Variants in HSCB observed in about 807,000 individuals in gnomAD.
The protein encoded by HSCB is HscB mitochondrial iron-sulfur cluster cochaperone.
A neutral mutation model predicts 31.3 loss-of-function variants in HSCB; 23 were observed. That is an observed-to-expected ratio of 0.74 (90% confidence interval 0.53 to 1.04). The LOEUF is 1.04. HSCB is among the 50% of genes least tolerant of loss of function. The pLI is 0.00. For missense variants in HSCB, 297 were observed against 288.1 expected (o/e 1.03, Z -0.22); for synonymous variants, 110 against 104.5 (o/e 1.05, Z -0.32).
intron 5 of HSCB, among the ~76,000 whole-genome samples, chr22:28,753,896 G>A (rs1350300856): frequency 6.6e-6 from 1 of 151,918 alleles, no homozygotes; most frequent in Non-Finnish European, 1.5e-5. Flanking sequence ...TGTAATCCTA[G>A]CAGTTTGGGA....
intron 5 of HSCB, among the ~76,000 whole-genome samples, chr22:28,755,145 T>C (rs896375275): frequency 5.7e-5 from 8 of 139,362 alleles, no homozygotes; most frequent in African/African-American, 1.8e-4. Context: ...GCGCGGTGGC[T>C]CACGCCTGTA....
intron 2 of HSCB, 88 bp from the exon 3 acceptor site, chr22:28,744,527 C>A: frequency 1.1e-6 from 1 of 927,452 alleles, no homozygotes; most frequent in Non-Finnish European, 1.8e-6. Context: ...ACACTCCAGC[C>A]TGGATGACTC....
chr22:28,747,025 CTG>C (rs2029893973), intron 4 of HSCB, among the ~76,000 whole-genome samples: 2 of 152,074 alleles, frequency 1.3e-5, no homozygotes, highest in African/African-American at 4.8e-5. Flanking sequence ...GATCACACCA[CTG>C]TACTCCAGCC....
intron 4 of HSCB, among the ~76,000 whole-genome samples, chr22:28,747,494 G>A (rs1011378857): frequency 6.6e-6 from 1 of 152,006 alleles, no homozygotes; most frequent in Non-Finnish European, 1.5e-5. Flanking sequence ...TACAGATGGG[G>A]TTTCACCATG....
chr22:28,744,153 T>C (rs1205228777), intron 2 of HSCB, among the ~76,000 whole-genome samples, 175 bp downstream of exon 2: 1 of 152,252 alleles, frequency 6.6e-6, no homozygotes, highest in African/African-American at 2.4e-5. Flanking sequence ...AGCTTTTGTC[T>C]GACTTCCCAG....
At position 28,755,541 on chromosome 22, in the gene HSCB, C is replaced by T. The variant is rs570026943; in HGVS notation, c.617-1537C>T. Among the ~76,000 whole-genome samples, 78 of 152,214 alleles carry T rather than the reference C, an allele frequency of 5.1e-4. No homozygotes were observed. In the South Asian group the frequency reaches 7.5e-3, roughly 15 times the overall value. The stretch of plus-strand genomic sequence containing the variant: ...ACTCCTGAATTTTGTGTTACTCATT[C>T]CCTTGCTTTTCTTGATAGTTTTAAC... On this transcript the variant is annotated intron_variant, in intron 5 of 5. Transcript: ENST00000216027.
chr22:28,742,487 C>CCTCCTGAGAAA, intron 1 of HSCB, 156 bp downstream of exon 1: 1 of 1,319,724 alleles, frequency 7.6e-7, no homozygotes, highest in South Asian at 1.5e-5. Context: ...GTCTTGATTT[C>CCTCCTGAGAAA]TCAGGAGGAA....
chr22:28,749,289 A>C (rs1473546592), intron 4 of HSCB, among the ~76,000 whole-genome samples: 2 of 151,930 alleles, frequency 1.3e-5, no homozygotes, highest in Non-Finnish European at 2.9e-5. Context: ...TTCCTCATCT[A>C]TACTGGGCAC....
chr22:28,742,619 T>A (rs1320236568), intron 1 of HSCB: 2 of 400,724 alleles, frequency 5.0e-6, no homozygotes, highest in African/African-American at 2.2e-5. Context: ...GGGAGGGAGA[T>A]TTGAGGGGCG....
chr22:28,749,162 T>A (rs939768210), intron 4 of HSCB, among the ~76,000 whole-genome samples: 1 of 151,970 alleles, frequency 6.6e-6, no homozygotes. Flanking sequence ...AAAAAAACTT[T>A]TAAGTGGCTT....
At chr22:28,756,867 A>G (rs1317615241) in intron 5 of HSCB, among the ~76,000 whole-genome samples, 3 of 152,100 alleles carry the variant, frequency 2.0e-5, no homozygotes, top group Non-Finnish European at 2.9e-5. Flanking sequence ...TCCTGTACAC[A>G]TGCTCTTACA....
Position 28,744,678 on chromosome 22 carries a change from G to A in HSCB, c.397G>A (p.Ala133Thr). The change falls in exon 3 of 6, where the codon GCC becomes ACC. Residue 133 changes from alanine to threonine, a missense_variant. Ala to Thr is a moderately conservative substitution (Grantham distance 58, BLOSUM62 0). Coordinates refer to ENST00000216027, the MANE Select transcript of HSCB (RefSeq NM_172002.5). ...LVNDAYKTLL[A>T]PLSRGLYLLK... ...GAATGATGCCTATAAGACCCTCCTG[G>A]CCCCCCTGAGCAGAGGACTGTACCT... 6.2e-7 allele frequency: 1 copy of A among 1,613,680 alleles called. No individual in the cohort carries two copies. The highest frequency in any genetic ancestry group is 8.5e-7 in the Non-Finnish European group (1 of 1,179,638).
At chr22:28,752,488 A>C (rs2030323077) in intron 5 of HSCB, among the ~76,000 whole-genome samples, 2 of 151,502 alleles carry the variant, frequency 1.3e-5, no homozygotes, top group Admixed American at 6.6e-5. Context: ...TAACCCCAGC[A>C]CTTTGAGAGG....
chr22:28,756,593 C>T (rs2030613049), intron 5 of HSCB, among the ~76,000 whole-genome samples: 3 of 151,924 alleles, frequency 2.0e-5, no homozygotes, highest in Admixed American at 6.6e-5. Context: ...CTCAGCCTCC[C>T]GAGTGGCCAG....
intron 5 of HSCB, among the ~76,000 whole-genome samples, chr22:28,753,612 G>A (rs189168194): frequency 9.8e-4 from 149 of 152,090 alleles, no homozygotes; most frequent in Middle Eastern, 3.4e-3. Context: ...GCTGAGGCGG[G>A]TGGGTCATGA....
intron 5 of HSCB, among the ~76,000 whole-genome samples, chr22:28,752,429 CAA>C (rs564221588): frequency 9.1e-4 from 60 of 65,930 alleles, no homozygotes; most frequent in Admixed American, 1.6e-3. Context: ...GACTTTGTCT[CAA>C]AAAAAAAAAA....
At position 28,745,916 on chromosome 22, in the gene HSCB, G is replaced by A; in HGVS notation, c.476G>A (p.Arg159Lys). The A allele has an allele frequency of 1.2e-6, 2 of 1,613,332 alleles. No individual in the cohort carries two copies. Among genetic ancestry groups the A allele is most frequent in the African/African-American group, 2.7e-5 (2 of 75,032 alleles). Residue 159 changes from arginine to lysine, a missense_variant, in exon 4 of 6, where the codon AGG becomes AAG. Arg to Lys is a conservative substitution (Grantham distance 26, BLOSUM62 2). Transcript: ENST00000216027. ...GAAAGGACAGATTATGAAATGGACA[G>A]GCAATTCCTCATAGAAATAATGGAA... The part of the protein sequence containing the change: ...IPERTDYEMD[R>K]QFLIEIMEIN...
At chr22:28,744,098 C>T in intron 2 of HSCB, 120 bp downstream of exon 2, 1 of 798,970 alleles carries the variant, frequency 1.3e-6, no homozygotes, top group Non-Finnish European at 2.2e-6. Context: ...TGCCCCATGG[C>T]AGTCTGACCC....
At position 28,745,844 on chromosome 22, in the gene HSCB, C is replaced by T. The variant is rs756797746; in HGVS notation, c.424-20C>T. ...CCCATAGCTTCTTCAACTTATTTTTCTTGCTTTCTACCCCAATAGCTAAAG... is the reference window on the plus strand; with the variant it reads ...CCCATAGCTTCTTCAACTTATTTTTTTTGCTTTCTACCCCAATAGCTAAAG... On this transcript the variant is annotated intron_variant, in intron 3 of 5. Transcript: ENST00000216027. The T allele has an allele frequency of 6.3e-7, 1 of 1,583,682 alleles. No homozygotes were observed. The highest frequency in any genetic ancestry group is 1.2e-5 in the South Asian group (1 of 85,658).
Sources: gnomAD v4.1 joint callset for allele counts (sites outside exome capture counted in the v4.1 genomes callset) on GRCh38, gnomAD v4.1.1 for gene constraint, MANE v1.5 for transcripts, NCBI Gene and HGNC (gene_info 2026-07-23, HGNC 2026-07-21) for gene names.